The following DDR1 variants were observed in gnomAD, a reference collection of about 807,000 sequenced individuals.
DDR1 encodes the protein discoidin domain receptor tyrosine kinase 1, also known as epithelial discoidin domain-containing receptor 1.
A neutral mutation model predicts 97.4 loss-of-function variants in DDR1; 64 were observed. That is an observed-to-expected ratio of 0.66 (90% CI 0.54 to 0.81). The LOEUF is 0.81. Ranked by LOEUF, DDR1 falls within the 30% of genes least tolerant of loss-of-function variation. The pLI, the probability that DDR1 is intolerant of heterozygous loss-of-function variation, is 0.00. For synonymous variants in DDR1, 458 were observed against 503.7 expected, an observed-to-expected ratio of 0.91 and a Z score of 1.21; for missense variants, 990 against 1,259.6, an observed-to-expected ratio of 0.79 and a Z score of 3.24.
At chr6:30,883,908 A>C (rs1784773519), upstream of DDR1, 1 of 153,096 alleles carries the variant, frequency 6.5e-6, no homozygotes. This position sits in a 1 kb window ranked among gnomAD's most constrained non-coding sequence, Gnocchi z 4.9. Context: ...GGAGAAGAGC[A>C]GTCTGGGGCC....
In DDR1 at chr6:30,897,204, T is replaced by C; in HGVS notation, c.1997+63T>C. 6.3e-7 allele frequency: 1 copy of C among 1,592,322 alleles called. No individual in the cohort carries two copies. Among genetic ancestry groups the C allele is most frequent in the Non-Finnish European group, 8.5e-7 (1 of 1,171,062 alleles). On this transcript the variant is annotated intron_variant, in intron 14 of 17. Coordinates refer to ENST00000376568, the MANE Select transcript of DDR1 (RefSeq NM_001297654.2). This position sits in a 1 kb window ranked among gnomAD's most constrained non-coding sequence, Gnocchi z 5.2. ...AGGCCGTGAAGAGTGGGGAGCCATC[T>C]AGAGAGAACAATGGCAGAGCCCAAC...
Position 30,891,256 on chromosome 6 carries a change from C to T in DDR1, c.566-124C>T, listed in dbSNP as rs117298661. 1.4e-4 allele frequency: 205 copies of T among 1,437,904 alleles called. No homozygotes were observed. In the East Asian group the frequency reaches 4.3e-3, roughly 30 times the overall value. 89.1% of individuals were successfully genotyped at this position (1,437,904 alleles called of 1,614,324 possible). On this transcript the variant is annotated intron_variant, in intron 5 of 17. Transcript: ENST00000376568. The surrounding 1 kb of genome is among the most constrained non-coding windows in gnomAD (Gnocchi z 5.3). ...TGAGGAGGGGGCTAGCCAGCATTGTCTCCTCCATGCCAATGAGCCAGTGGA... is the reference window on the plus strand; with the variant it reads ...TGAGGAGGGGGCTAGCCAGCATTGTTTCCTCCATGCCAATGAGCCAGTGGA...
Position 30,890,825 on chromosome 6 carries a change from G to T in DDR1, c.418-148G>T. 1 of 717,774 alleles carries T rather than the reference G, an allele frequency of 1.4e-6. No individual in the cohort carries two copies. Among genetic ancestry groups the T allele is most frequent in the Non-Finnish European group, 2.1e-6 (1 of 469,790 alleles). 44.5% of individuals were successfully genotyped at this position (717,774 alleles called of 1,614,324 possible). On this transcript the variant is annotated intron_variant, in intron 4 of 17. Transcript: ENST00000376568. This position sits in a 1 kb window ranked among gnomAD's most constrained non-coding sequence, Gnocchi z 5.0. ...CAGATCTTCATTTCACCCATGCCTG[G>T]CTGCGCCCCACAGTGCTGTGTGCTC... is the stretch of plus-strand genomic sequence containing the variant.
In DDR1 at chr6:30,891,458, A is replaced by G. The variant is rs1562383900; in HGVS notation, c.644A>G (p.Tyr215Cys). 1.2e-6 allele frequency: 2 copies of G among 1,612,588 alleles called. No individual in the cohort carries two copies. Among genetic ancestry groups the G allele is most frequent in the East Asian group, 2.2e-5 (1 of 44,846 alleles). Residue 215 changes from tyrosine to cysteine, a missense_variant, in exon 6 of 18, where the codon TAT (tyrosine) becomes TGT (cysteine). Transcript: ENST00000376568. This position sits in a 1 kb window ranked among gnomAD's most constrained non-coding sequence, Gnocchi z 5.3. Reference sequence around the variant, plus strand: ...GCCGTGTACCTCAACGACTCCACCTATGACGGACATACCGTGGGCGGGTAA... The same window carrying G: ...GCCGTGTACCTCAACGACTCCACCTGTGACGGACATACCGTGGGCGGGTAA... ...SEAVYLNDST[Y>C]DGHTVGGLQY...
At chr6:30,885,248 G>A in intron 1 of DDR1, 2 of 1,532,782 alleles carry the variant, frequency 1.3e-6, no homozygotes, top group Non-Finnish European at 1.7e-6. Context: ...GCCAGCTTCA[G>A]GGTCCCACCC....
Position 30,897,254 on chromosome 6 carries a change from G to A in DDR1, c.1997+113G>A, listed in dbSNP as rs577898422. On this transcript the variant is annotated intron_variant, in intron 14 of 17. Coordinates refer to ENST00000376568, the MANE Select transcript of DDR1 (RefSeq NM_001297654.2). This position sits in a 1 kb window ranked among gnomAD's most constrained non-coding sequence, Gnocchi z 5.2. ...CAGAGGGGTGGCATCTCTGGGAGGG[G>A]ATTTACATGTACGCTGGGGGTGGGG... 66 of 1,210,438 alleles carry A rather than the reference G, an allele frequency of 5.5e-5. No homozygotes were observed. The highest frequency in any genetic ancestry group is 6.8e-5 in the Non-Finnish European group (63 of 923,406). 75.0% of individuals were successfully genotyped at this position (1,210,438 alleles called of 1,614,324 possible).
chr6:30,893,224 G>A, intron 9 of DDR1, 48 bp from the exon 10 acceptor site: 5 of 1,594,206 alleles, frequency 3.1e-6, no homozygotes, highest in South Asian at 1.1e-5. Flanking sequence ...CCTCCCCCTC[G>A]GCTAGGGTGG....
chr6:30,895,366 T>A, intron 11 of DDR1, 38 bp from the exon 12 acceptor site: 1 of 1,521,700 alleles, frequency 6.6e-7, no homozygotes. Flanking sequence ...TTGAGTCTCA[T>A]CCCTTCCCCG....
chr6:30,889,060 G>A lies in DDR1; in HGVS notation c.188+50G>A, dbSNP rs778125177. On this transcript the variant is annotated intron_variant, in intron 3 of 17. Coordinates refer to ENST00000376568, the MANE Select transcript of DDR1 (RefSeq NM_001297654.2). This position sits in a 1 kb window ranked among gnomAD's most constrained non-coding sequence, Gnocchi z 4.9. ...GTAGCTGCCCCGAGAGGAGCTCCTG[G>A]GACCTCTACTTCCCCTCCAACCCCT... The A allele has an allele frequency of 6.2e-7, 1 of 1,601,870 alleles. No homozygotes were observed. The highest frequency in any genetic ancestry group is 1.1e-5 in the South Asian group (1 of 90,750).
At chr6:30,896,517 A>C in intron 12 of DDR1, 104 bp from the exon 13 acceptor site, 1 of 1,407,638 alleles carries the variant, frequency 7.1e-7, no homozygotes, top group Non-Finnish European at 9.6e-7. Flanking sequence ...TCTCTCACTC[A>C]ACCGGGAGAC....
In DDR1 at chr6:30,894,947, C is replaced by T. The variant is rs1790144578; in HGVS notation, c.1513+276C>T. On this transcript the variant is annotated intron_variant, in intron 11 of 17. Coordinates refer to ENST00000376568, the MANE Select transcript of DDR1 (RefSeq NM_001297654.2). This position sits in a 1 kb window ranked among gnomAD's most constrained non-coding sequence, Gnocchi z 5.7. ...GTACCCTCTCATTGTGTCTCCCTGG[C>T]CCCTTTGCTTTGTATTAGACTCACC... is the stretch of plus-strand genomic sequence containing the variant. Among the ~76,000 whole-genome samples, 1 of 152,098 alleles carries T rather than the reference C, an allele frequency of 6.6e-6. No homozygotes were observed. Among genetic ancestry groups the T allele is most frequent in the South Asian group, 2.1e-4 (1 of 4,832 alleles).
At position 30,897,842 on chromosome 6, in the gene DDR1, T is replaced by A. The variant is rs1366510674; in HGVS notation, c.2217-231T>A. 6.6e-6 allele frequency among the ~76,000 whole-genome samples: 1 copy of A among 152,158 alleles called. No individual in the cohort carries two copies. The highest frequency in any genetic ancestry group is 1.5e-5 in the Non-Finnish European group (1 of 68,022). On this transcript the variant is annotated intron_variant, in intron 15 of 17. Transcript: ENST00000376568. The surrounding 1 kb of genome is among the most constrained non-coding windows in gnomAD (Gnocchi z 5.2). ...GCCATGACGTCCCTTCTGCTTTCTCTCACCCTCACTCCCCTCTGAGTCCAG... is the reference window on the plus strand; with the variant it reads ...GCCATGACGTCCCTTCTGCTTTCTCACACCCTCACTCCCCTCTGAGTCCAG...
rs2859449 is a variant in DDR1, at chr6:30,899,144, G to A, written c.2602-12G>A. On this transcript the variant is annotated splice_polypyrimidine_tract_variant and intron_variant, in intron 17 of 17. Coordinates refer to ENST00000376568, the MANE Select transcript of DDR1 (RefSeq NM_001297654.2). ...TTGTTCCCTGACTCTCATCCACACT[G>A]CCACAATGCAGGTGTACCTGTCCCG... 1.2e-6 allele frequency: 2 copies of A among 1,614,168 alleles called. No homozygotes were observed. Among genetic ancestry groups the A allele is most frequent in the Non-Finnish European group, 1.7e-6 (2 of 1,180,004 alleles).
Position 30,897,992 on chromosome 6 carries a change from C to T in DDR1, c.2217-81C>T, listed in dbSNP as rs1791552427. 18 of 1,125,632 alleles carry T rather than the reference C, an allele frequency of 1.6e-5. No individual in the cohort carries two copies. The highest frequency in any genetic ancestry group is 2.7e-5 in the South Asian group (2 of 72,826). 69.7% of individuals were successfully genotyped at this position (1,125,632 alleles called of 1,614,324 possible). Reference sequence around the variant, plus strand: ...CATGGGGAGCCAGAGTGACCGGGCCCGGGGAGTGGGCTCTCTCTCCTCTCC... The same window carrying T: ...CATGGGGAGCCAGAGTGACCGGGCCTGGGGAGTGGGCTCTCTCTCCTCTCC... On this transcript the variant is annotated intron_variant, in intron 15 of 17. Transcript: ENST00000376568. The surrounding 1 kb of genome is among the most constrained non-coding windows in gnomAD (Gnocchi z 5.2).
Position 30,892,548 on chromosome 6 carries a change from C to A in DDR1, c.1099+6C>A. ...CGAAATCTCCTTCATCTCTGGTAAG[C>A]CCTGGAGTAGCCCAGTCTCCAGTCC... On this transcript the variant is annotated splice_donor_region_variant and intron_variant, in intron 8 of 17. Transcript: ENST00000376568. 1 of 1,571,886 alleles carries A rather than the reference C, an allele frequency of 6.4e-7. No homozygotes were observed.
In DDR1 at chr6:30,894,617, C is replaced by T. The variant is rs1471831373; in HGVS notation, c.1459C>T (p.Pro487Ser). The change falls in exon 11 of 18, where the codon CCC becomes TCC. Residue 487 changes from proline to serine, a missense_variant. By Grantham distance (74) the Pro-to-Ser change is moderately conservative (BLOSUM62 -1). Transcript: ENST00000376568. The surrounding 1 kb of genome is among the most constrained non-coding windows in gnomAD (Gnocchi z 5.7). The stretch of plus-strand genomic sequence containing the variant: ...TAGAGAGCCACCCCCGTACCAGGAG[C>T]CCCGGCCTCGTGGGAATCCGCCCCA... Reference protein sequence around the residue: ...GPREPPPYQEPRPRGNPPHSA... With the variant: ...GPREPPPYQESRPRGNPPHSA... 1 of 1,612,784 alleles carries T rather than the reference C, an allele frequency of 6.2e-7. No homozygotes were observed. Among genetic ancestry groups the T allele is most frequent in the South Asian group, 1.1e-5 (1 of 90,840 alleles).
Position 30,890,187 on chromosome 6 carries a change from C to T in DDR1, c.417+757C>T, listed in dbSNP as rs1787527487. On this transcript the variant is annotated intron_variant, in intron 4 of 17. Coordinates refer to ENST00000376568, the MANE Select transcript of DDR1 (RefSeq NM_001297654.2). The surrounding 1 kb of genome is among the most constrained non-coding windows in gnomAD (Gnocchi z 5.0). ...AGCTGACACCCCCATGCTGGCTTTC[C>T]ACTCTGCCAGAACAAAAGCTGAGTC... Among the ~76,000 whole-genome samples the T allele has an allele frequency of 6.6e-6, 1 of 152,170 alleles. No homozygotes were observed. The highest frequency in any genetic ancestry group is 1.5e-5 in the Non-Finnish European group (1 of 68,030).
chr6:30,885,850 C>A, intron 1 of DDR1: 1 of 1,284,626 alleles, frequency 7.8e-7, no homozygotes, highest in Non-Finnish European at 1.0e-6. Context: ...GTGTACAGAG[C>A]TGTGTGGGTG....
Position 30,891,295 on chromosome 6 carries a change from G to T in DDR1, c.566-85G>T. On this transcript the variant is annotated intron_variant, in intron 5 of 17. Transcript: ENST00000376568. The surrounding 1 kb of genome is among the most constrained non-coding windows in gnomAD (Gnocchi z 5.3). ...TGAGCCAGTGGAGAGATACAAGAAG[G>T]GACCTGAAACCTGCCCAGGCCTGAT... 1.4e-6 allele frequency: 2 copies of T among 1,423,946 alleles called. No homozygotes were observed. The highest frequency in any genetic ancestry group is 1.9e-6 in the Non-Finnish European group (2 of 1,028,412). The allele number at this position is 1,423,946 out of a possible 1,614,324, so 88.2% of individuals were successfully genotyped here. A position where few individuals can be genotyped will look rare whatever the true frequency, so the allele number is the denominator to read the frequency against.
Sources: gnomAD v4.1 joint callset for allele counts (sites outside exome capture counted in the v4.1 genomes callset) on GRCh38, gnomAD v4.1.1 for gene constraint, Gnocchi (gnomAD v3.1) non-coding constraint, MANE v1.5 for transcripts, NCBI Gene and HGNC (gene_info 2026-07-23, HGNC 2026-07-21) for gene names.